The following ADAMTSL1 variants were observed in gnomAD, a reference collection of about 807,000 sequenced individuals.
ADAMTSL1 encodes the protein ADAMTS-like protein 1.
ADAMTSL1 carries 126 observed loss-of-function variants against 201.8 expected under a neutral mutation model. The observed-to-expected ratio is 0.62, with a 90% CI of 0.54 to 0.72. The LOEUF (loss-of-function observed/expected upper bound fraction) is 0.72. ADAMTSL1 is among the 30% of genes least tolerant of loss of function. ADAMTSL1 has a pLI of 0.00. For synonymous variants in ADAMTSL1, 1,121 were observed against 903.4 expected (o/e 1.24, Z -4.32); for missense variants, 2,679 against 2,277.8 (o/e 1.18, Z -3.59).
chr9:18,257,219 G>GT (rs899512898), intron 2 of ADAMTSL1, among the ~76,000 whole-genome samples: 6 of 152,064 alleles, frequency 3.9e-5, no homozygotes, highest in African/African-American at 1.4e-4. Flanking sequence ...TCATAAAAAT[G>GT]TTTTTTAAAA....
At chr9:18,473,099 C>G (rs1340039639), upstream of ADAMTSL1, among the ~76,000 whole-genome samples, 1 of 152,160 alleles carries the variant, frequency 6.6e-6, no homozygotes, top group East Asian at 1.9e-4. Flanking sequence ...CAAGGTCATC[C>G]CATCCAACCC....
rs62549387 is a variant in ADAMTSL1, at chr9:18,641,951, A to G, written c.834+2540A>G. Among the ~76,000 whole-genome samples, 1,261 of 152,148 alleles carry G rather than the reference A, an allele frequency of 8.3e-3. 16 individuals carry two copies. The highest frequency in any genetic ancestry group is 0.023 in the African/African-American group (963 of 41,534). On this transcript the variant is annotated intron_variant, in intron 7 of 28. Coordinates refer to ENST00000380548, the MANE Select transcript of ADAMTSL1 (RefSeq NM_001040272.6). Reference sequence around the variant, plus strand: ...ATTCTCTTTATAGATTTAAATGGCCATGTACCTAAGTCTCAAACCAACCTC... The same window carrying G: ...ATTCTCTTTATAGATTTAAATGGCCGTGTACCTAAGTCTCAAACCAACCTC...
chr9:18,292,544 T>C (rs1833315312), intron 2 of ADAMTSL1, among the ~76,000 whole-genome samples: 1 of 152,022 alleles, frequency 6.6e-6, no homozygotes, highest in Admixed American at 6.6e-5. Flanking sequence ...AGACAGACCC[T>C]CCCTCAGCCT....
intron 2 of ADAMTSL1, among the ~76,000 whole-genome samples, chr9:18,257,553 A>G (rs1831735640): frequency 6.6e-6 from 1 of 152,226 alleles, no homozygotes; most frequent in African/African-American, 2.4e-5. Context: ...TGATATGGAG[A>G]TATTGGAATC....
intron 1 of ADAMTSL1, among the ~76,000 whole-genome samples, chr9:17,973,893 T>A (rs1329568030): frequency 6.7e-6 from 1 of 149,826 alleles, no homozygotes; most frequent in East Asian, 2.0e-4. Context: ...CCCTTGTAAG[T>A]TGGATTTCTA....
intron 1 of ADAMTSL1, among the ~76,000 whole-genome samples, chr9:18,042,764 C>G (rs558326040): frequency 6.6e-6 from 1 of 152,232 alleles, no homozygotes; most frequent in East Asian, 1.9e-4. Context: ...ACTCTGTAGT[C>G]TAAGAAGTGC....
At chr9:18,073,350 T>C (rs1323857876) in intron 1 of ADAMTSL1, among the ~76,000 whole-genome samples, 3 of 152,210 alleles carry the variant, frequency 2.0e-5, no homozygotes, top group African/African-American at 7.2e-5. Flanking sequence ...TTGTGCTTTC[T>C]ACTTGATCGC....
intron 20 of ADAMTSL1, among the ~76,000 whole-genome samples, chr9:18,802,863 A>G (rs910250233): frequency 6.6e-6 from 1 of 152,202 alleles, no homozygotes; most frequent in Non-Finnish European, 1.5e-5. Context: ...ATTCTCACCA[A>G]CAGTTGTTTT....
intron 10 of ADAMTSL1, among the ~76,000 whole-genome samples, chr9:18,676,462 C>T (rs578259062): frequency 7.1e-4 from 108 of 152,036 alleles, no homozygotes; most frequent in African/African-American, 2.4e-3. Flanking sequence ...AAACAAAATT[C>T]AATGTGCTGC....
chr9:18,148,519 T>C (rs1826760721), intron 1 of ADAMTSL1, among the ~76,000 whole-genome samples: 2 of 152,070 alleles, frequency 1.3e-5, no homozygotes, highest in Non-Finnish European at 2.9e-5. Context: ...GAAGCATCCA[T>C]GAATTCTAGA....
At chr9:18,681,769 G>A (rs981669259) in intron 11 of ADAMTSL1, 43 bp from the exon 12 acceptor site, 3 of 1,458,918 alleles carry the variant, frequency 2.1e-6, no homozygotes, top group Non-Finnish European at 1.8e-6. Flanking sequence ...AAGTAAACAA[G>A]GCTTTGCCTA....
chr9:18,892,320 G>A, intron 25 of ADAMTSL1, 69 bp from the exon 26 acceptor site: 1 of 1,474,722 alleles, frequency 6.8e-7, no homozygotes, highest in Non-Finnish European at 9.2e-7. Context: ...GGATGTCGGT[G>A]GGGAGGAGGT....
At chr9:18,810,880 AG>A (rs968892271) in intron 20 of ADAMTSL1, among the ~76,000 whole-genome samples, 1 of 152,166 alleles carries the variant, frequency 6.6e-6, no homozygotes, top group African/African-American at 2.4e-5. Context: ...GAGAATAAAA[AG>A]TAAAGGGAAG....
intron 23 of ADAMTSL1, among the ~76,000 whole-genome samples, chr9:18,874,971 G>GT (rs1223148727): frequency 2.0e-5 from 3 of 151,822 alleles, no homozygotes; most frequent in Non-Finnish European, 2.9e-5. Context: ...CAGAGTTTCT[G>GT]TTTTTTCCTG....
intron 1 of ADAMTSL1, among the ~76,000 whole-genome samples, chr9:18,071,286 C>T (rs1378746090): frequency 2.6e-5 from 4 of 152,164 alleles, no homozygotes; most frequent in African/African-American, 9.7e-5. Flanking sequence ...GGTTTGGTCA[C>T]TTCAGAGCAT....
chr9:18,870,319 G>A (rs1042825689), intron 23 of ADAMTSL1, among the ~76,000 whole-genome samples: 2 of 152,096 alleles, frequency 1.3e-5, no homozygotes, highest in Admixed American at 6.6e-5. Context: ...ATAGATGTAC[G>A]GATATAGAGG....
At chr9:18,563,647 G>A (rs1821686041) in intron 3 of ADAMTSL1, among the ~76,000 whole-genome samples, 1 of 152,238 alleles carries the variant, frequency 6.6e-6, no homozygotes, top group Non-Finnish European at 1.5e-5. Flanking sequence ...GTCCCAGGGA[G>A]ATGGGAGTTT....
rs928052467 is a variant in ADAMTSL1, at chr9:18,909,548, T to G, written c.*1000T>G. ...CTGTGGGCCAGGGCCATTTTGAGCA[T>G]GAATGGCCCAGGTTTTTTGCCTTCT... On this transcript the variant is annotated 3_prime_UTR_variant, in exon 29 of 29. Coordinates refer to ENST00000380548, the MANE Select transcript of ADAMTSL1 (RefSeq NM_001040272.6). 6.6e-6 allele frequency: 1 copy of G among 152,238 alleles called. No homozygotes were observed. Among genetic ancestry groups the G allele is most frequent in the African/African-American group, 2.4e-5 (1 of 41,456 alleles). The allele number at this position is 152,238 out of a possible 1,614,324, so 9.4% of individuals were successfully genotyped here. A position where few individuals can be genotyped will look rare whatever the true frequency, so the allele number is the denominator to read the frequency against.
At chr9:18,006,988 C>T (rs997629915) in intron 1 of ADAMTSL1, among the ~76,000 whole-genome samples, 3 of 151,954 alleles carry the variant, frequency 2.0e-5, no homozygotes, top group Non-Finnish European at 2.9e-5. Flanking sequence ...ATGGAAAAAT[C>T]GGGCTCATTT....
Sources: gnomAD v4.1 joint callset for allele counts (sites outside exome capture counted in the v4.1 genomes callset) on GRCh38, gnomAD v4.1.1 for gene constraint, MANE v1.5 for transcripts, NCBI Gene and HGNC (gene_info 2026-07-23, HGNC 2026-07-21) for gene names.